Variants in KCNAB1 observed in about 807,000 individuals in gnomAD.
KCNAB1 encodes potassium voltage-gated channel subfamily A regulatory beta subunit 1, also known as voltage-gated potassium channel subunit beta-1.
Under a neutral mutation model 64.6 loss-of-function variants are expected in KCNAB1, and 35 were observed. The ratio of observed to expected loss-of-function variants is 0.54; its 90% confidence interval spans 0.41 to 0.72. The LOEUF (loss-of-function observed/expected upper bound fraction) is 0.72, where lower values mean the gene tolerates loss of function less well. Ranked by LOEUF, KCNAB1 falls within the 30% of genes least tolerant of loss-of-function variation. KCNAB1 has a pLI of 0.00. For missense variants in KCNAB1, 401 were observed against 512.9 expected (o/e 0.78, Z 2.11); for synonymous variants, 177 against 183.8 (o/e 0.96, Z 0.30).
chr3:156,190,295 A>T (rs1263333144), intron 1 of KCNAB1, among the ~76,000 whole-genome samples: 1 of 152,226 alleles, frequency 6.6e-6, no homozygotes. Context: ...CGCTAGGACC[A>T]GTAGACTGTG....
chr3:156,479,633 T>TTTAATTTTA (rs1358812737), intron 8 of KCNAB1, among the ~76,000 whole-genome samples: 2 of 152,172 alleles, frequency 1.3e-5, no homozygotes, highest in Non-Finnish European at 2.9e-5. Context: ...AATTAAATTT[T>TTTAATTTTA]AGTTAGTTTT....
intron 1 of KCNAB1, among the ~76,000 whole-genome samples, chr3:156,150,207 G>C (rs909895324): frequency 6.6e-6 from 1 of 152,196 alleles, no homozygotes; most frequent in African/African-American, 2.4e-5. Flanking sequence ...TGGAGGCGTA[G>C]TGAAAGGGGC....
intron 1 of KCNAB1, among the ~76,000 whole-genome samples, chr3:156,127,884 G>GGTGAGTGTGTGTGTGT (rs1713749090): frequency 4.7e-5 from 7 of 147,556 alleles, no homozygotes. Context: ...CTTCATTTGG[G>GGTGAGTGTGTGTGTGT]GTGTGTGTGT....
intron 1 of KCNAB1, among the ~76,000 whole-genome samples, chr3:156,312,657 A>G (rs1397566768): frequency 7.2e-6 from 1 of 139,648 alleles, no homozygotes; most frequent in Admixed American, 7.6e-5. Flanking sequence ...GGTTGCCAAG[A>G]TAGCATTACT....
intron 1 of KCNAB1, among the ~76,000 whole-genome samples, chr3:156,308,021 G>A (rs989847225): frequency 1.3e-5 from 2 of 152,202 alleles, no homozygotes. Flanking sequence ...AAAGAAACAA[G>A]TAAATGTTTA....
intron 1 of KCNAB1, among the ~76,000 whole-genome samples, chr3:156,194,599 T>A (rs1321287257): frequency 2.6e-5 from 4 of 152,154 alleles, no homozygotes; most frequent in African/African-American, 9.7e-5. Flanking sequence ...TCTTCTTGGA[T>A]CCAAGGGTTT....
At chr3:156,287,410 C>T (rs909254250) in intron 1 of KCNAB1, among the ~76,000 whole-genome samples, 9 of 149,300 alleles carry the variant, frequency 6.0e-5, no homozygotes, top group East Asian at 2.0e-4. Flanking sequence ...ATCAGTTTTA[C>T]GAAGTAATAA....
intron 1 of KCNAB1, chr3:156,215,508 G>A (rs1303980779): frequency 6.6e-6 from 1 of 152,338 alleles, no homozygotes; most frequent in African/African-American, 2.4e-5. Context: ...TGCTGAGGTG[G>A]TGGAGGTAAA....
chr3:156,399,105 A>G (rs1713702309), intron 1 of KCNAB1, among the ~76,000 whole-genome samples: 1 of 152,170 alleles, frequency 6.6e-6, no homozygotes, highest in Non-Finnish European at 1.5e-5. Flanking sequence ...TACTTAGCTT[A>G]CACTCATGAT....
At position 156,452,968 on chromosome 3, in the gene KCNAB1, G is replaced by A. The variant is rs1008856078; in HGVS notation, c.357+32G>A. ...TACCTTTGGCCTCTATTATGCTAAT[G>A]AAAGAAAATGCAGAGAGAGCTGTAT... is the stretch of plus-strand genomic sequence containing the variant. On this transcript the variant is annotated intron_variant, in intron 3 of 13. Transcript: ENST00000490337. The surrounding 1 kb of genome is among the most constrained non-coding windows in gnomAD (Gnocchi z 4.6). 1 of 1,520,110 alleles carries A rather than the reference G, an allele frequency of 6.6e-7. No homozygotes were observed. 94.2% of individuals were successfully genotyped at this position (1,520,110 alleles called of 1,614,324 possible). A position where few individuals can be genotyped will look rare whatever the true frequency, so the allele number is the denominator to read the frequency against.
intron 1 of KCNAB1, among the ~76,000 whole-genome samples, chr3:156,288,569 C>A (rs538659162): frequency 1.3e-5 from 2 of 152,198 alleles, no homozygotes; most frequent in African/African-American, 2.4e-5. Context: ...CTCCTGAGAC[C>A]GACTGCTCCA....
chr3:156,255,443 C>T (rs975556210), intron 1 of KCNAB1, among the ~76,000 whole-genome samples: 3 of 152,102 alleles, frequency 2.0e-5, no homozygotes, highest in Non-Finnish European at 4.4e-5. Flanking sequence ...GATGTGGCCC[C>T]AGTCAGAGTC....
chr3:156,251,064 A>G (rs1717802766), intron 1 of KCNAB1, among the ~76,000 whole-genome samples: 1 of 152,230 alleles, frequency 6.6e-6, no homozygotes, highest in Non-Finnish European at 1.5e-5. Flanking sequence ...AGAAACTCAA[A>G]TAGGATACCC....
intron 1 of KCNAB1, among the ~76,000 whole-genome samples, chr3:156,209,375 T>C (rs1027907872): frequency 2.6e-5 from 4 of 152,232 alleles, no homozygotes; most frequent in African/African-American, 7.2e-5. Context: ...TAATGGAGAA[T>C]GCTCTCCTTT....
intron 8 of KCNAB1, among the ~76,000 whole-genome samples, chr3:156,487,188 T>TG: frequency 6.6e-6 from 1 of 152,260 alleles, no homozygotes; most frequent in Admixed American, 6.5e-5. Flanking sequence ...AAACCTTATG[T>TG]GCTTAAGATT....
intron 1 of KCNAB1, among the ~76,000 whole-genome samples, chr3:156,308,354 T>A (rs1458994049): frequency 6.6e-6 from 1 of 152,190 alleles, no homozygotes; most frequent in Non-Finnish European, 1.5e-5. Context: ...GGAGCAGGAT[T>A]TTGAGCTGAG....
At chr3:156,216,156 T>G (rs1715306348) in intron 1 of KCNAB1, among the ~76,000 whole-genome samples, 1 of 152,186 alleles carries the variant, frequency 6.6e-6, no homozygotes, top group South Asian at 2.1e-4. Flanking sequence ...AATACGTTAA[T>G]GAAATAGAAT....
intron 8 of KCNAB1, among the ~76,000 whole-genome samples, chr3:156,487,649 G>A (rs1008186629): frequency 6.6e-6 from 1 of 152,088 alleles, no homozygotes; most frequent in African/African-American, 2.4e-5. Context: ...AAGGGCCAGT[G>A]GATGGAACAG....
At chr3:156,327,118 A>G (rs1381636093) in intron 1 of KCNAB1, among the ~76,000 whole-genome samples, 1 of 152,220 alleles carries the variant, frequency 6.6e-6, no homozygotes, top group East Asian at 1.9e-4. Flanking sequence ...TAAGAGCAAT[A>G]ATAAAATAGC....
Sources: gnomAD v4.1 joint callset for allele counts (sites outside exome capture counted in the v4.1 genomes callset) on GRCh38, gnomAD v4.1.1 for gene constraint, Gnocchi (gnomAD v3.1) non-coding constraint, MANE v1.5 for transcripts, NCBI Gene and HGNC (gene_info 2026-07-23, HGNC 2026-07-21) for gene names.